RIPK2: variants seen among roughly 807,000 people sequenced by gnomAD.
The protein encoded by RIPK2 is receptor interacting serine/threonine kinase 2, also known as receptor-interacting serine/threonine-protein kinase 2.
RIPK2 carries 38 observed loss-of-function variants against 60.9 expected under a neutral mutation model. That is an observed-to-expected ratio of 0.62 (90% CI 0.48 to 0.82). RIPK2 has a LOEUF of 0.82. RIPK2 is among the 40% of genes least tolerant of loss of function. The probability of loss-of-function intolerance (pLI) is 0.00; values close to 1 mark genes in which losing one functional copy is unlikely to be tolerated. For synonymous variants in RIPK2, 225 were observed against 223.4 expected, an observed-to-expected ratio of 1.01 and a Z score of -0.06; for missense variants, 518 against 647.0, an observed-to-expected ratio of 0.80 and a Z score of 2.16.
rs1362054630 is a variant in RIPK2, at chr8:89,772,930, TAGA to T, written c.853+105_853+107del. 6 of 671,064 alleles carry T rather than the reference TAGA, an allele frequency of 8.9e-6. No homozygotes were observed. In the African/African-American group the frequency reaches 1.1e-4, roughly 13 times the overall value. The allele number at this position is 671,064 out of a possible 1,614,324, so 41.6% of individuals were successfully genotyped here. A position where few individuals can be genotyped will look rare whatever the true frequency, so the allele number is the denominator to read the frequency against. On this transcript the variant is annotated intron_variant, in intron 6 of 10. Transcript: ENST00000220751. ...AAATTGTGCAAATTAGATGACTAGC[TAGA>T]AGTTGTTTAAATTATTTTCTGTCTT...
chr8:89,764,771 A>T (rs1809199189), intron 2 of RIPK2, among the ~76,000 whole-genome samples: 1 of 152,162 alleles, frequency 6.6e-6, no homozygotes, highest in Non-Finnish European at 1.5e-5. Context: ...ATGCAGATAA[A>T]TTAATTATAT....
At chr8:89,759,584 C>T (rs1809111614) in intron 1 of RIPK2, 2 of 360,340 alleles carry the variant, frequency 5.6e-6, no homozygotes, top group Non-Finnish European at 1.1e-5. Flanking sequence ...ATTTGGGACA[C>T]TTCTAGAGCT....
chr8:89,786,485 TTAG>T, intron 8 of RIPK2, 105 bp from the exon 9 acceptor site: 1 of 700,752 alleles, frequency 1.4e-6, no homozygotes, highest in Non-Finnish European at 2.4e-6. Context: ...AAAAAAAAAA[TTAG>T]TAGTTTTTAT....
At chr8:89,759,483 G>A (rs932263769) in intron 1 of RIPK2, 5 of 437,892 alleles carry the variant, frequency 1.1e-5, no homozygotes, top group Admixed American at 2.4e-5. Flanking sequence ...CTCAGCTTCC[G>A]CCCTGCCAAA....
intron 5 of RIPK2, among the ~76,000 whole-genome samples, chr8:89,772,099 C>T (rs181755371): frequency 3.2e-4 from 48 of 152,004 alleles, no homozygotes; most frequent in African/African-American, 1.1e-3. Flanking sequence ...TCATTTTTGT[C>T]GCCTGCATAA....
chr8:89,774,956 C>T lies in RIPK2; in HGVS notation c.853+2128C>T, dbSNP rs1310558779. 2.6e-5 allele frequency among the ~76,000 whole-genome samples: 4 copies of T among 152,190 alleles called. No homozygotes were observed. In the East Asian group the frequency reaches 7.7e-4, roughly 29 times the overall value. On this transcript the variant is annotated intron_variant, in intron 6 of 10. Transcript: ENST00000220751. ...GCCAAATGAGATAAGCAGGATTTTC[C>T]AACATTGTCATCACCGGTAATCCAA...
intron 6 of RIPK2, among the ~76,000 whole-genome samples, chr8:89,779,145 T>C (rs1285340864): frequency 6.6e-6 from 1 of 152,128 alleles, no homozygotes; most frequent in African/African-American, 2.4e-5. Flanking sequence ...ATTTTTCCTG[T>C]TATTGTCATG....
intron 5 of RIPK2, 115 bp downstream of exon 5, chr8:89,771,905 C>T (rs1436807960): frequency 1.3e-6 from 1 of 741,376 alleles, no homozygotes; most frequent in Non-Finnish European, 2.3e-6. Flanking sequence ...GGAAAACACA[C>T]TAAAACAACC....
intron 8 of RIPK2, among the ~76,000 whole-genome samples, chr8:89,785,120 GACAA>G (rs928125449): frequency 4.6e-5 from 7 of 152,060 alleles, no homozygotes; most frequent in African/African-American, 1.2e-4. Context: ...ATTTAGTGGG[GACAA>G]ACAAACCATA....
At chr8:89,776,962 A>G (rs1809406693) in intron 6 of RIPK2, among the ~76,000 whole-genome samples, 1 of 152,164 alleles carries the variant, frequency 6.6e-6, no homozygotes, top group Admixed American at 6.6e-5. Context: ...GAGCCTTCCG[A>G]TTGCCCAGCT....
chr8:89,788,739 T>C (rs1428747017), intron 9 of RIPK2, among the ~76,000 whole-genome samples: 1 of 150,604 alleles, frequency 6.6e-6, no homozygotes, highest in South Asian at 2.1e-4. Flanking sequence ...ATCGCAACCA[T>C]TGCACTCCAG....
intron 7 of RIPK2, among the ~76,000 whole-genome samples, chr8:89,780,949 T>C (rs1395526562): frequency 6.6e-6 from 1 of 151,716 alleles, no homozygotes; most frequent in Non-Finnish European, 1.5e-5. Context: ...CAGGGGTTTT[T>C]TTTTTTTTAA....
At chr8:89,774,177 G>A (rs1809360041) in intron 6 of RIPK2, among the ~76,000 whole-genome samples, 1 of 151,966 alleles carries the variant, frequency 6.6e-6, no homozygotes, top group Non-Finnish European at 1.5e-5. Context: ...CTTGATTCTA[G>A]AATATATAAA....
At chr8:89,770,154 T>C (rs28657795) in intron 4 of RIPK2, among the ~76,000 whole-genome samples, 28,260 of 151,862 alleles carry the variant, frequency 0.19, 3,881 homozygotes, top group African/African-American at 0.39. Flanking sequence ...AAAGCATCTC[T>C]TCTTATCCTA....
rs1354434506 is a variant in RIPK2 at position 89,758,031 on chromosome 8, C to T, written c.-30C>T. On this transcript the variant is annotated 5_prime_UTR_variant, in exon 1 of 11. Coordinates refer to ENST00000220751, the MANE Select transcript of RIPK2 (RefSeq NM_003821.6). ...TTGGGAGCCGCCGCAGCAGGGGGCACACCCGGAACCGGCCTGAGCGCCCGG... is the reference window on the plus strand; with the variant it reads ...TTGGGAGCCGCCGCAGCAGGGGGCATACCCGGAACCGGCCTGAGCGCCCGG... 3.2e-6 allele frequency: 5 copies of T among 1,539,082 alleles called. No homozygotes were observed. Among genetic ancestry groups the T allele is most frequent in the Non-Finnish European group, 4.4e-6 (5 of 1,140,050 alleles).
rs1291798689 is a variant in RIPK2, at chr8:89,790,154, C to G, written c.1361C>G (p.Ala454Gly). ...GACATTGTGAACCAAATGACAGAAG[C>G]CTGCCTTAACCAGTCGCTAGATGCC... ...REDIVNQMTEACLNQSLDALL... is the reference protein window; with the variant it reads ...REDIVNQMTEGCLNQSLDALL... Residue 454 changes from alanine (A) to glycine (G), a missense_variant, in exon 11 of 11, where the codon GCC becomes GGC. By Grantham distance (60) the Ala-to-Gly change is moderately conservative. Around this residue, in one of 3 missense-constraint regions of RIPK2, gnomAD observed 29 missense variants for 68.6 expected, o/e 0.42. Coordinates refer to ENST00000220751, the MANE Select transcript of RIPK2 (RefSeq NM_003821.6). 6.2e-7 allele frequency: 1 copy of G among 1,614,100 alleles called. No homozygotes were observed. Among genetic ancestry groups the G allele is most frequent in the Admixed American group, 1.7e-5 (1 of 60,024 alleles).
chr8:89,772,791 A>G lies in RIPK2; in HGVS notation c.816A>G (p.Gly272=), dbSNP rs185951821. 1.9e-6 allele frequency: 3 copies of G among 1,608,830 alleles called. No homozygotes were observed. In the African/African-American group the frequency reaches 4.0e-5, roughly 22 times the overall value. The change falls in exon 6 of 11, where the codon GGA becomes GGG. Residue 272 remains glycine (G), a synonymous_variant. Coordinates refer to ENST00000220751, the MANE Select transcript of RIPK2 (RefSeq NM_003821.6). ...GTATGATCTCTCTAATAGAAAGTGG[A>G]TGGGCACAAAATCCAGATGAAAGAC... ...RARMISLIES[G]WAQNPDERPS... is the part of the protein sequence containing the mutation.
rs188864074 is a variant in RIPK2 at position 89,780,206 on chromosome 8, A to G, written c.939+46A>G. 1.3e-4 allele frequency: 123 copies of G among 942,114 alleles called. 1 individual carries two copies. The African/African-American group carries it at 1.4e-3, about 11-fold the overall frequency. The allele number at this position is 942,114 out of a possible 1,614,324, so 58.4% of individuals were successfully genotyped here. A position where few individuals can be genotyped will look rare whatever the true frequency, so the allele number is the denominator to read the frequency against. On this transcript the variant is annotated intron_variant, in intron 7 of 10. Transcript: ENST00000220751. Reference sequence around the variant, plus strand: ...CTGGAAATTAGAAATTTAAACAACTATATAATATTCATGGAGATTTTTAGT... The same window carrying G: ...CTGGAAATTAGAAATTTAAACAACTGTATAATATTCATGGAGATTTTTAGT...
At chr8:89,759,535 TCTCA>T (rs1179563637) in intron 1 of RIPK2, 13 of 398,282 alleles carry the variant, frequency 3.3e-5, no homozygotes, top group East Asian at 1.4e-4. Flanking sequence ...CTTCATTGTC[TCTCA>T]CTGTCAGGCT....
Sources: allele counts gnomAD v4.1 joint callset (sites outside exome capture counted in the v4.1 genomes callset), GRCh38; gene constraint gnomAD v4.1.1; regional missense constraint gnomAD v4.1.1; transcripts MANE v1.5; gene names NCBI Gene and HGNC (gene_info 2026-07-23, HGNC 2026-07-21).